Variants in GNPNAT1 observed in about 807,000 individuals in gnomAD.
The protein encoded by GNPNAT1 is glucosamine 6-phosphate N-acetyltransferase.
GNPNAT1 carries 11 observed loss-of-function variants against 19.8 expected under a neutral mutation model. That is an observed-to-expected ratio of 0.56 (90% confidence interval 0.35 to 0.92). The LOEUF (loss-of-function observed/expected upper bound fraction) is 0.92, where lower values mean the gene tolerates loss of function less well. Among genes scored for constraint, GNPNAT1 ranks in the 40% least tolerant of loss-of-function variants. The pLI, the probability that GNPNAT1 is intolerant of heterozygous loss-of-function variation, is 0.01. For synonymous variants in GNPNAT1, 71 were observed against 72.3 expected, an observed-to-expected ratio of 0.98 and a Z score of 0.09; for missense variants, 157 against 211.0, an observed-to-expected ratio of 0.74 and a Z score of 1.59.
chr14:52,790,171 A>G (rs1883134682), intron 1 of GNPNAT1, among the ~76,000 whole-genome samples: 1 of 152,170 alleles, frequency 6.6e-6, no homozygotes, highest in African/African-American at 2.4e-5. Context: ...GAATGGGGAG[A>G]GAGGCTGCTG....
At chr14:52,789,386 A>G (rs1883098400) in intron 1 of GNPNAT1, among the ~76,000 whole-genome samples, 2 of 152,242 alleles carry the variant, frequency 1.3e-5, no homozygotes, top group Non-Finnish European at 2.9e-5. Context: ...TTAAGTCATA[A>G]GCAGCACTTA....
chr14:52,784,469 T>C (rs1882964076), intron 2 of GNPNAT1, 28 bp downstream of exon 2: 5 of 1,497,500 alleles, frequency 3.3e-6, no homozygotes, highest in South Asian at 2.7e-5. Context: ...AGGCTAACTC[T>C]AATTTTACAC....
chr14:52,784,281 T>C (rs1432862131), intron 2 of GNPNAT1, among the ~76,000 whole-genome samples: 1 of 152,112 alleles, frequency 6.6e-6, no homozygotes, highest in Non-Finnish European at 1.5e-5. Context: ...TAGGAAGGAG[T>C]GATGTTGTAT....
At chr14:52,787,020 T>C (rs1883039126) in intron 1 of GNPNAT1, among the ~76,000 whole-genome samples, 1 of 152,026 alleles carries the variant, frequency 6.6e-6, no homozygotes, top group Non-Finnish European at 1.5e-5. Context: ...TAAATAATTT[T>C]GTGCATGGAA....
Position 52,784,633 on chromosome 14 carries a change from A to G in GNPNAT1, c.18T>C (p.Thr6=), listed in dbSNP as rs745626128. The change falls in exon 2 of 6, where the codon ACT becomes ACC. Residue 6 remains threonine (T), a synonymous_variant. Coordinates refer to ENST00000216410, the MANE Select transcript of GNPNAT1 (RefSeq NM_198066.4). MKPDE[T]PMFDPSLLKE... is the part of the protein sequence containing the mutation. ...TGAGTAGACTTGGGTCAAACATAGG[A>G]GTTTCATCAGGTTTCATTTTTCTAG... 8.2e-5 allele frequency: 128 copies of G among 1,563,522 alleles called. No individual in the cohort carries two copies. The Middle Eastern group carries it at 1.0e-3, about 12-fold the overall frequency.
chr14:52,781,924 GA>G lies in GNPNAT1; in HGVS notation c.218-14del, dbSNP rs1882902979. 1.3e-6 allele frequency: 2 copies of G among 1,597,554 alleles called. No individual in the cohort carries two copies. The highest frequency in any genetic ancestry group is 1.7e-6 in the Non-Finnish European group (2 of 1,174,426). ...TGCTCAAAAGATTCTGTGGAAATTG[GA>G]TAACAAAGTGTTACATAGTAGACAT... On this transcript the variant is annotated splice_polypyrimidine_tract_variant and intron_variant, in intron 3 of 5. Coordinates refer to ENST00000216410, the MANE Select transcript of GNPNAT1 (RefSeq NM_198066.4).
In GNPNAT1 at chr14:52,778,227, C is replaced by T. The variant is rs1305318685; in HGVS notation, c.*84G>A. On this transcript the variant is annotated 3_prime_UTR_variant, in exon 6 of 6. Transcript: ENST00000216410. ...CAGTCCAGTATTTATGGAGGTCACT[C>T]GGCTGCAGCAACAAAATATTTCAAC... is the stretch of plus-strand genomic sequence containing the variant. 3.0e-5 allele frequency: 32 copies of T among 1,052,160 alleles called. No homozygotes were observed. Among genetic ancestry groups the T allele is most frequent in the East Asian group, 5.1e-5 (2 of 38,950 alleles). 65.2% of individuals were successfully genotyped at this position (1,052,160 alleles called of 1,614,324 possible). A position where few individuals can be genotyped will look rare whatever the true frequency, so the allele number is the denominator to read the frequency against.
chr14:52,780,299 T>TTTCTACTGTGTTTCAGTATGTA, intron 5 of GNPNAT1, among the ~76,000 whole-genome samples: 1 of 152,234 alleles, frequency 6.6e-6, no homozygotes, highest in African/African-American at 2.4e-5. Context: ...TCAGTATGTA[T>TTTCTACTGTGTTTCAGTATGTA]TTCTACAACT....
chr14:52,778,083 C>A lies in GNPNAT1; in HGVS notation c.*228G>T. 3.4e-6 allele frequency: 1 copy of A among 294,030 alleles called. No homozygotes were observed. The highest frequency in any genetic ancestry group is 6.2e-6 in the Non-Finnish European group (1 of 161,144). 18.2% of individuals were successfully genotyped at this position (294,030 alleles called of 1,614,324 possible). On this transcript the variant is annotated 3_prime_UTR_variant, in exon 6 of 6. Coordinates refer to ENST00000216410, the MANE Select transcript of GNPNAT1 (RefSeq NM_198066.4). ...AAAGATTCAAGTTAAAAATATATTC[C>A]TTTGGTTAAAAATCATCCCCTTTAT...
rs181199473 is a variant in GNPNAT1, at chr14:52,783,637, C to G, written c.155-152G>C. 298 of 615,078 alleles carry G rather than the reference C, an allele frequency of 4.8e-4. 2 individuals carry two copies. The African/African-American group carries it at 5.1e-3, about 11-fold the overall frequency. The allele number at this position is 615,078 out of a possible 1,614,324, so 38.1% of individuals were successfully genotyped here. ...TTATTAGAATAAAGTGAACCCTATT[C>G]TTCTATAATCACTACATATAACAAA... On this transcript the variant is annotated intron_variant, in intron 2 of 5. Coordinates refer to ENST00000216410, the MANE Select transcript of GNPNAT1 (RefSeq NM_198066.4).
chr14:52,791,310 C>T lies in GNPNAT1; in HGVS notation c.-15+118G>A, dbSNP rs1342055834. 2 of 152,552 alleles carry T rather than the reference C, an allele frequency of 1.3e-5. No homozygotes were observed. Among genetic ancestry groups the T allele is most frequent in the Non-Finnish European group, 2.9e-5 (2 of 68,398 alleles). The allele number at this position is 152,552 out of a possible 1,614,324, so 9.4% of individuals were successfully genotyped here. ...AACGCCCAGCTCCTCCACACAACAC[C>T]CCCGGGGGCCTGGCCGGGGCACCAG... is the stretch of plus-strand genomic sequence containing the variant. On this transcript the variant is annotated intron_variant, in intron 1 of 5. Coordinates refer to ENST00000216410, the MANE Select transcript of GNPNAT1 (RefSeq NM_198066.4). The surrounding 1 kb of genome is among the most constrained non-coding windows in gnomAD (Gnocchi z 4.1).
Position 52,789,182 on chromosome 14 carries a change from T to C in GNPNAT1, c.-15+2246A>G, listed in dbSNP as rs116348475. ...GTTACACAGGGCCCTGCACTTAAGT[T>C]TGATACCCTGCTGCCACTGTTTTGA... On this transcript the variant is annotated intron_variant, in intron 1 of 5. Coordinates refer to ENST00000216410, the MANE Select transcript of GNPNAT1 (RefSeq NM_198066.4). Among the ~76,000 whole-genome samples the C allele has an allele frequency of 8.4e-3, 1,281 of 152,302 alleles. 19 individuals carry two copies. The highest frequency in any genetic ancestry group is 0.029 in the African/African-American group (1,223 of 41,564).
At position 52,775,979 on chromosome 14, in the gene GNPNAT1, G is replaced by A. The variant is rs1236490412; in HGVS notation, c.*2332C>T. 6.6e-6 allele frequency: 1 copy of A among 152,428 alleles called. No homozygotes were observed. Among genetic ancestry groups the A allele is most frequent in the African/African-American group, 2.4e-5 (1 of 41,420 alleles). The allele number at this position is 152,428 out of a possible 1,614,324, so 9.4% of individuals were successfully genotyped here. On this transcript the variant is annotated 3_prime_UTR_variant, in exon 6 of 6. Transcript: ENST00000216410. Reference sequence around the variant, plus strand: ...GATCACTTGAGCCTAGGAGTTAAGAGACCAGCCTGGGCAACATAGACTCCA... The same window carrying A: ...GATCACTTGAGCCTAGGAGTTAAGAAACCAGCCTGGGCAACATAGACTCCA...
At chr14:52,779,333 A>G (rs1286196871) in intron 5 of GNPNAT1, among the ~76,000 whole-genome samples, 1 of 151,654 alleles carries the variant, frequency 6.6e-6, no homozygotes, top group Admixed American at 6.6e-5. Flanking sequence ...GTGTGGATCT[A>G]AGTGCCTTAG....
chr14:52,786,074 T>C (rs1883011310), intron 1 of GNPNAT1, among the ~76,000 whole-genome samples: 1 of 150,560 alleles, frequency 6.6e-6, no homozygotes, highest in Non-Finnish European at 1.5e-5. Context: ...TTTTTTTTTT[T>C]CAATGAACCA....
chr14:52,780,254 T>G (rs1006585897), intron 5 of GNPNAT1, among the ~76,000 whole-genome samples: 2 of 152,226 alleles, frequency 1.3e-5, no homozygotes, highest in African/African-American at 4.8e-5. Context: ...TTATATTTAT[T>G]TTAAATGATT....
intron 3 of GNPNAT1, among the ~76,000 whole-genome samples, chr14:52,783,214 TAGTC>T (rs954741757): frequency 1.3e-5 from 2 of 152,064 alleles, no homozygotes; most frequent in Non-Finnish European, 2.9e-5. Context: ...TCTAATAAAG[TAGTC>T]AGATAGTTTG....
intron 5 of GNPNAT1, 62 bp from the exon 6 acceptor site, chr14:52,778,520 TAAC>T (rs1239165861): frequency 1.4e-6 from 2 of 1,380,594 alleles, no homozygotes; most frequent in Admixed American, 4.6e-5. Flanking sequence ...TTGATTCTAG[TAAC>T]AATATGAATT....
At chr14:52,786,979 A>T (rs1883038010) in intron 1 of GNPNAT1, among the ~76,000 whole-genome samples, 2 of 150,778 alleles carry the variant, frequency 1.3e-5, no homozygotes, top group Non-Finnish European at 2.9e-5. Context: ...TACATCTTAT[A>T]CAGATAGCAC....
Sources: allele counts gnomAD v4.1 joint callset (sites outside exome capture counted in the v4.1 genomes callset), GRCh38; gene constraint gnomAD v4.1.1; non-coding constraint Gnocchi (gnomAD v3.1); transcripts MANE v1.5; gene names NCBI Gene and HGNC (gene_info 2026-07-23, HGNC 2026-07-21).